KAZN: variants seen among roughly 807,000 people sequenced by gnomAD.
KAZN encodes the protein kazrin, periplakin interacting protein.
KAZN carries 40 observed loss-of-function variants against 87.4 expected under a neutral mutation model. That is an observed-to-expected ratio of 0.46 (90% CI 0.36 to 0.60). The LOEUF is 0.60. Among genes scored for constraint, KAZN ranks in the 20% least tolerant of loss-of-function variants. The pLI, the probability that KAZN is intolerant of heterozygous loss-of-function variation, is 0.00. For missense variants in KAZN, 898 were observed against 1,073.9 expected, an observed-to-expected ratio of 0.84 and a Z score of 2.29; for synonymous variants, 466 against 458.3, an observed-to-expected ratio of 1.02 and a Z score of -0.22.
At chr1:14,993,330 G>A (rs202009197) in intron 2 of KAZN, among the ~76,000 whole-genome samples, 9 of 151,932 alleles carry the variant, frequency 5.9e-5, no homozygotes, top group South Asian at 4.2e-4. Flanking sequence ...TTAGCCGGGC[G>A]TGGTGGCAGG....
chr1:14,295,531 G>A (rs1346787225), intron 2 of KAZN, among the ~76,000 whole-genome samples: 1 of 152,092 alleles, frequency 6.6e-6, no homozygotes, highest in East Asian at 1.9e-4. Flanking sequence ...TCACACAGAG[G>A]CATATACACA....
intron 1 of KAZN, among the ~76,000 whole-genome samples, chr1:14,015,896 G>A (rs1025034860): frequency 6.6e-6 from 1 of 151,954 alleles, no homozygotes; most frequent in African/African-American, 2.4e-5. Flanking sequence ...CTCAACTTGA[G>A]GCTGTCTGAT....
chr1:14,527,626 C>T (rs1671958234), intron 2 of KAZN, among the ~76,000 whole-genome samples: 2 of 151,598 alleles, frequency 1.3e-5, no homozygotes, highest in African/African-American at 4.9e-5. Context: ...AAACACAATG[C>T]CGGCATCTGC....
At chr1:14,491,307 TTTA>T (rs1362623442) in intron 2 of KAZN, among the ~76,000 whole-genome samples, 2 of 152,200 alleles carry the variant, frequency 1.3e-5, no homozygotes, top group East Asian at 3.8e-4. Context: ...TTACTCTTTT[TTTA>T]TTATTGTTAT....
intron 2 of KAZN, among the ~76,000 whole-genome samples, chr1:14,478,698 G>A (rs1275915252): frequency 1.3e-5 from 2 of 151,858 alleles, no homozygotes; most frequent in African/African-American, 4.8e-5. Context: ...TCCCTACCTC[G>A]TGCTCCATGG....
At chr1:14,375,342 G>C (rs1660811666) in intron 2 of KAZN, among the ~76,000 whole-genome samples, 3 of 152,090 alleles carry the variant, frequency 2.0e-5, no homozygotes, top group Admixed American at 2.0e-4. Context: ...CCATAAGTCA[G>C]TCCAACACAG....
intron 1 of KAZN, among the ~76,000 whole-genome samples, chr1:14,174,111 G>A (rs4145435): frequency 0.12 from 18,669 of 152,220 alleles, 1,262 homozygotes; most frequent in East Asian, 0.33. Flanking sequence ...GCACTGGACA[G>A]GTTGTAACTG....
Position 14,848,417 on chromosome 1 carries a change from G to A in KAZN, c.227-112267G>A, listed in dbSNP as rs370790270. Among the ~76,000 whole-genome samples the A allele has an allele frequency of 2.0e-4, 30 of 152,326 alleles. 1 individual carries two copies. The highest frequency in any genetic ancestry group is 3.8e-4 in the African/African-American group (16 of 41,572). On this transcript the variant is annotated intron_variant, in intron 1 of 14. Coordinates refer to ENST00000376030, the MANE Select transcript of KAZN (RefSeq NM_201628.3). ...AAATGGGTGCAGTGTGCCCACCACCGTGCCTACCGCAGAGGTATTTCAAGG... is the reference window on the plus strand; with the variant it reads ...AAATGGGTGCAGTGTGCCCACCACCATGCCTACCGCAGAGGTATTTCAAGG...
At chr1:14,691,375 G>GTA (rs955852111) in intron 1 of KAZN, among the ~76,000 whole-genome samples, 110 of 152,238 alleles carry the variant, frequency 7.2e-4, no homozygotes, top group African/African-American at 2.6e-3. Flanking sequence ...ATTTATACAT[G>GTA]TATATATACA....
At chr1:14,347,877 T>C (rs1338635054) in intron 2 of KAZN, among the ~76,000 whole-genome samples, 3 of 140,562 alleles carry the variant, frequency 2.1e-5, no homozygotes, top group Non-Finnish European at 4.7e-5. Flanking sequence ...TTTTCTTTTT[T>C]CTTTTTCTTT....
chr1:14,712,963 A>G (rs1350441931), intron 1 of KAZN, among the ~76,000 whole-genome samples: 1 of 152,174 alleles, frequency 6.6e-6, no homozygotes, highest in Admixed American at 6.6e-5. Context: ...ATGCTCATGT[A>G]TCAGTTGTTT....
Position 15,056,150 on chromosome 1 carries a change from G to C in KAZN, c.786G>C (p.Met262Ile). The C allele has an allele frequency of 6.2e-7, 1 of 1,614,162 alleles. No homozygotes were observed. Among genetic ancestry groups the C allele is most frequent in the Non-Finnish European group, 8.5e-7 (1 of 1,179,994 alleles). The change falls in exon 5 of 15, where the codon ATG (methionine) becomes ATC (isoleucine). Residue 262 changes from methionine to isoleucine, a missense_variant. Met to Ile is a conservative substitution (Grantham distance 10). This residue lies in a region of KAZN where 521 missense variants were observed against 689.4 expected (regional missense o/e 0.76). Coordinates refer to ENST00000376030, the MANE Select transcript of KAZN (RefSeq NM_201628.3). This position sits in a 1 kb window ranked among gnomAD's most constrained non-coding sequence, Gnocchi z 5.4. ...TCCCCAAGCGGCATTCCCTCGCCAT[G>C]CCGGGCGAGACGGTGCTCAATGGCA... ...KDVPKRHSLAMPGETVLNGNQ... is the reference protein window; with the variant it reads ...KDVPKRHSLAIPGETVLNGNQ...
chr1:14,837,276 G>T (rs576987228), intron 1 of KAZN, among the ~76,000 whole-genome samples: 1 of 152,192 alleles, frequency 6.6e-6, no homozygotes, highest in Non-Finnish European at 1.5e-5. Context: ...TTGGCTCACC[G>T]CAACCTCCGC....
chr1:14,102,100 TA>T (rs908738066), intron 1 of KAZN, among the ~76,000 whole-genome samples: 12 of 148,864 alleles, frequency 8.1e-5, no homozygotes, highest in African/African-American at 1.5e-4. Flanking sequence ...TCTTGGAACT[TA>T]AAAAAAAAAT....
At chr1:14,000,782 AT>A (rs201523239) in intron 1 of KAZN, among the ~76,000 whole-genome samples, 3 of 150,642 alleles carry the variant, frequency 2.0e-5, no homozygotes, top group African/African-American at 4.9e-5. Context: ...AGATGACATG[AT>A]TTTTTTTGTT....
At chr1:14,022,667 T>A (rs1487735289) in intron 1 of KAZN, among the ~76,000 whole-genome samples, 1 of 152,186 alleles carries the variant, frequency 6.6e-6, no homozygotes, top group East Asian at 1.9e-4. Flanking sequence ...TGGTCTCAAG[T>A]GGTCTCATTG....
intron 2 of KAZN, among the ~76,000 whole-genome samples, chr1:15,000,564 G>T (rs556096194): frequency 1.6e-4 from 24 of 151,886 alleles, no homozygotes; most frequent in African/African-American, 5.6e-4. Context: ...GCCAAATGCT[G>T]CCCGGCCACT....
At chr1:13,953,561 G>T (rs1218519106) in intron 1 of KAZN, among the ~76,000 whole-genome samples, 2 of 152,212 alleles carry the variant, frequency 1.3e-5, no homozygotes, top group African/African-American at 4.8e-5. Context: ...TGATAGTTCT[G>T]ATCTCAATTT....
intron 1 of KAZN, among the ~76,000 whole-genome samples, chr1:14,128,008 C>A (rs527835695): frequency 6.6e-6 from 1 of 152,230 alleles, no homozygotes; most frequent in African/African-American, 2.4e-5. Flanking sequence ...GTTTACAAGA[C>A]GATGCCGAAT....
Sources: gnomAD v4.1 joint callset for allele counts (sites outside exome capture counted in the v4.1 genomes callset) on GRCh38, gnomAD v4.1.1 for gene constraint, gnomAD v4.1.1 regional missense constraint, Gnocchi (gnomAD v3.1) non-coding constraint, MANE v1.5 for transcripts, NCBI Gene and HGNC (gene_info 2026-07-23, HGNC 2026-07-21) for gene names.